The following CSMD1 variants were observed in gnomAD, a reference collection of about 807,000 sequenced individuals.
CSMD1 encodes CUB and sushi domain-containing protein 1.
Under a neutral mutation model 417.5 loss-of-function variants are expected in CSMD1, and 213 were observed. The observed-to-expected ratio is 0.51, with a 90% CI of 0.46 to 0.57. CSMD1 has a LOEUF of 0.57. Among genes scored for constraint, CSMD1 ranks in the 20% least tolerant of loss-of-function variants. The probability of loss-of-function intolerance (pLI) is 0.00; values close to 1 mark genes in which losing one functional copy is unlikely to be tolerated. For missense variants in CSMD1, 6,923 were observed against 4,529.7 expected, an observed-to-expected ratio of 1.53 and a Z score of -15.17; for synonymous variants, 2,862 against 1,736.8, an observed-to-expected ratio of 1.65 and a Z score of -16.11.
At chr8:4,039,629 G>C (rs990549121) in intron 3 of CSMD1, among the ~76,000 whole-genome samples, 2 of 152,190 alleles carry the variant, frequency 1.3e-5, no homozygotes, top group Non-Finnish European at 2.9e-5. Flanking sequence ...GACAGTGAAA[G>C]AGAAGGACCT....
chr8:3,288,871 AACC>A (rs1803346182), intron 25 of CSMD1, among the ~76,000 whole-genome samples: 1 of 146,900 alleles, frequency 6.8e-6, no homozygotes. Context: ...ACATGTGCAC[AACC>A]TACAGGTTTG....
intron 23 of CSMD1, among the ~76,000 whole-genome samples, chr8:3,316,188 G>C (rs556640691): frequency 6.6e-6 from 1 of 152,256 alleles, no homozygotes; most frequent in Non-Finnish European, 1.5e-5. Context: ...GTTCTAACTT[G>C]TACAAGGTGG....
intron 1 of CSMD1, among the ~76,000 whole-genome samples, chr8:4,779,114 T>G (rs1037721526): frequency 2.0e-5 from 3 of 152,216 alleles, no homozygotes; most frequent in Non-Finnish European, 2.9e-5. Flanking sequence ...CTGCTTTTAT[T>G]GTTTAAAATT....
intron 3 of CSMD1, among the ~76,000 whole-genome samples, chr8:4,415,970 A>C (rs918918989): frequency 6.6e-6 from 1 of 152,188 alleles, no homozygotes; most frequent in Non-Finnish European, 1.5e-5. Context: ...TCGGGAAACT[A>C]AAGTACTGCA....
At chr8:3,921,130 C>A (rs575914547) in intron 5 of CSMD1, among the ~76,000 whole-genome samples, 7 of 152,284 alleles carry the variant, frequency 4.6e-5, no homozygotes, top group South Asian at 2.1e-4. Flanking sequence ...TGAACACTGA[C>A]ACATTTCCCT....
rs1585121291 is a variant in CSMD1, at chr8:2,999,841, A to T, written c.8203+117T>A. The T allele has an allele frequency of 6.8e-6, 6 of 883,618 alleles. No individual in the cohort carries two copies. The East Asian group carries it at 1.7e-4, about 25-fold the overall frequency. 54.7% of individuals were successfully genotyped at this position (883,618 alleles called of 1,614,324 possible). A position where few individuals can be genotyped will look rare whatever the true frequency, so the allele number is the denominator to read the frequency against. On this transcript the variant is annotated intron_variant, in intron 53 of 69. Coordinates refer to ENST00000635120, the MANE Select transcript of CSMD1 (RefSeq NM_033225.6). ...TCTTTCTTTGTATAGGCAAAACTGA[A>T]AGTTTGCTGTTCCCTTTTACAGTGA...
At chr8:3,964,035 A>C (rs1056474757) in intron 5 of CSMD1, among the ~76,000 whole-genome samples, 2 of 152,262 alleles carry the variant, frequency 1.3e-5, no homozygotes, top group Non-Finnish European at 2.9e-5. Context: ...GCTTTGCATA[A>C]ATTACTTTCA....
chr8:4,524,691 C>A (rs1470483508), intron 2 of CSMD1, among the ~76,000 whole-genome samples: 1 of 151,500 alleles, frequency 6.6e-6, no homozygotes, highest in Non-Finnish European at 1.5e-5. Flanking sequence ...AATAAATACG[C>A]CCAGAGTTTT....
intron 2 of CSMD1, among the ~76,000 whole-genome samples, chr8:4,420,640 A>C (rs1797197967): frequency 6.6e-6 from 1 of 152,148 alleles, no homozygotes. Flanking sequence ...GTCGTGAAAC[A>C]ATCTGTGTTT....
chr8:4,128,634 G>A (rs1019313503), intron 3 of CSMD1, among the ~76,000 whole-genome samples: 2 of 152,038 alleles, frequency 1.3e-5, no homozygotes, highest in African/African-American at 4.8e-5. Context: ...TCCTCTTGAA[G>A]CTTTAGCTCT....
intron 3 of CSMD1, among the ~76,000 whole-genome samples, chr8:4,333,266 C>T (rs1031692004): frequency 6.6e-6 from 1 of 152,072 alleles, no homozygotes; most frequent in Non-Finnish European, 1.5e-5. Flanking sequence ...TAAAGCCAAT[C>T]CTGACGCTAA....
chr8:4,305,990 C>T (rs1002944260), intron 3 of CSMD1, among the ~76,000 whole-genome samples: 1 of 152,036 alleles, frequency 6.6e-6, no homozygotes, highest in African/African-American at 2.4e-5. Context: ...CAGACATTAC[C>T]TTAATGGTTG....
At chr8:4,095,707 G>A (rs1365954114) in intron 3 of CSMD1, among the ~76,000 whole-genome samples, 4 of 152,104 alleles carry the variant, frequency 2.6e-5, no homozygotes, top group Non-Finnish European at 4.4e-5. Flanking sequence ...ATGATGAGGT[G>A]CATCCGTACT....
At chr8:4,342,546 G>A (rs752487610) in intron 3 of CSMD1, among the ~76,000 whole-genome samples, 3 of 151,960 alleles carry the variant, frequency 2.0e-5, no homozygotes, top group Non-Finnish European at 4.4e-5. Flanking sequence ...TATGACATTT[G>A]CCCAGTAAGT....
intron 12 of CSMD1, among the ~76,000 whole-genome samples, chr8:3,415,946 G>C (rs1813117323): frequency 6.7e-6 from 1 of 148,242 alleles, no homozygotes. Context: ...TTAATTTTTG[G>C]CACTTACAAT....
intron 2 of CSMD1, among the ~76,000 whole-genome samples, chr8:4,468,226 G>C (rs572100166): frequency 5.9e-5 from 9 of 152,256 alleles, no homozygotes; most frequent in Admixed American, 5.2e-4. Context: ...GGCATGCCTG[G>C]GGAAAGGAAG....
chr8:3,117,646 G>C (rs150944952), intron 42 of CSMD1, among the ~76,000 whole-genome samples: 30 of 152,172 alleles, frequency 2.0e-4, no homozygotes, highest in African/African-American at 7.2e-4. Context: ...ATTAGATATT[G>C]AAAAAATGTC....
At chr8:3,014,154 C>T (rs984723340) in intron 52 of CSMD1, among the ~76,000 whole-genome samples, 2 of 152,132 alleles carry the variant, frequency 1.3e-5, no homozygotes, top group South Asian at 2.1e-4. Flanking sequence ...ATTATTTTCA[C>T]TCTTTCAACT....
At chr8:4,706,605 G>C (rs1004610264) in intron 1 of CSMD1, among the ~76,000 whole-genome samples, 7 of 152,214 alleles carry the variant, frequency 4.6e-5, no homozygotes, top group African/African-American at 1.7e-4. Flanking sequence ...TATTTAGGAA[G>C]TGTCTAGTTA....
Sources: gnomAD v4.1 joint callset for allele counts (sites outside exome capture counted in the v4.1 genomes callset) on GRCh38, gnomAD v4.1.1 for gene constraint, MANE v1.5 for transcripts, NCBI Gene and HGNC (gene_info 2026-07-23, HGNC 2026-07-21) for gene names.